Variants in PRDM16 observed in about 807,000 individuals in gnomAD.
PRDM16 encodes the protein PR/SET domain 16.
PRDM16 carries 23 observed loss-of-function variants against 110.6 expected under a neutral mutation model. The ratio of observed to expected loss-of-function variants is 0.21; its 90% CI spans 0.15 to 0.29. The LOEUF is 0.29. Ranked by LOEUF, PRDM16 falls within the 10% of genes least tolerant of loss-of-function variation. The pLI, the probability that PRDM16 is intolerant of heterozygous loss-of-function variation, is 1.00. For synonymous variants in PRDM16, 799 were observed against 781.8 expected (o/e 1.02, Z -0.37); for missense variants, 1,615 against 1,794.3 (o/e 0.90, Z 1.81).
rs117210351 is a variant in PRDM16, at chr1:3,378,435, G to C, written c.439-6717G>C. On this transcript the variant is annotated intron_variant, in intron 3 of 16. Transcript: ENST00000270722. ...GAAATCTTGTGGCTCCCAGAACAGGGCTCGGGGACCCTCCCTCTGGTCCTT... is the reference window on the plus strand; with the variant it reads ...GAAATCTTGTGGCTCCCAGAACAGGCCTCGGGGACCCTCCCTCTGGTCCTT... 3.4e-3 allele frequency among the ~76,000 whole-genome samples: 516 copies of C among 152,284 alleles called. 16 individuals carry two copies. The East Asian group carries it at 0.086, about 25-fold the overall frequency.
At chr1:3,348,136 GTC>G (rs1349465874) in intron 3 of PRDM16, among the ~76,000 whole-genome samples, 1 of 152,192 alleles carries the variant, frequency 6.6e-6, no homozygotes, top group African/African-American at 2.4e-5. Flanking sequence ...GGGTTGCTGA[GTC>G]TCCCCAACCC....
At chr1:3,366,723 T>C (rs1247824937) in intron 3 of PRDM16, among the ~76,000 whole-genome samples, 1 of 152,148 alleles carries the variant, frequency 6.6e-6, no homozygotes, top group African/African-American at 2.4e-5. Context: ...GAAAAATGAT[T>C]AGGGCGTCTC....
At chr1:3,389,799 G>C (rs1014138785) in intron 4 of PRDM16, among the ~76,000 whole-genome samples, 2 of 152,172 alleles carry the variant, frequency 1.3e-5, no homozygotes, top group African/African-American at 2.4e-5. Context: ...CCTTTCCCCT[G>C]GGACTTTCGG....
chr1:3,349,780 TC>T lies in PRDM16; in HGVS notation c.439-35371del, dbSNP rs1279914954. Reference sequence around the variant, plus strand: ...ACTGGGAGCTTTCTGTTCTCAGTGTTCACAGAGGCCTGAGCTCTGCTGGCCA... The same window carrying T: ...ACTGGGAGCTTTCTGTTCTCAGTGTTACAGAGGCCTGAGCTCTGCTGGCCA... On this transcript the variant is annotated intron_variant, in intron 3 of 16. Transcript: ENST00000270722. Among the ~76,000 whole-genome samples the T allele has an allele frequency of 2.0e-5, 3 of 152,326 alleles. No individual in the cohort carries two copies. In the East Asian group the frequency reaches 5.8e-4, roughly 29 times the overall value.
chr1:3,284,225 C>A (rs1640798046), intron 3 of PRDM16, among the ~76,000 whole-genome samples: 1 of 152,238 alleles, frequency 6.6e-6, no homozygotes, highest in Non-Finnish European at 1.5e-5. Flanking sequence ...CATTAAGCGT[C>A]CCAGGTTCCC....
At chr1:3,398,707 G>A (rs1265323397) in intron 5 of PRDM16, among the ~76,000 whole-genome samples, 1 of 152,242 alleles carries the variant, frequency 6.6e-6, no homozygotes, top group Non-Finnish European at 1.5e-5. Context: ...CTTCAGATAG[G>A]CAAGTGAGGC....
In PRDM16 at chr1:3,425,957, A is replaced by G; in HGVS notation, c.3110-94A>G. ...TCCCTAAGAAACCTGCCTCCCTAAC[A>G]GCACCCCAGGTGTACCCCGTTCGCG... On this transcript the variant is annotated intron_variant, in intron 13 of 16. Transcript: ENST00000270722. This position sits in a 1 kb window ranked among gnomAD's most constrained non-coding sequence, Gnocchi z 6.9. 2 of 1,407,598 alleles carry G rather than the reference A, an allele frequency of 1.4e-6. No individual in the cohort carries two copies. Among genetic ancestry groups the G allele is most frequent in the Non-Finnish European group, 1.9e-6 (2 of 1,045,474 alleles). The allele number at this position is 1,407,598 out of a possible 1,614,324, so 87.2% of individuals were successfully genotyped here.
chr1:3,121,148 C>G (rs574622533), intron 1 of PRDM16, among the ~76,000 whole-genome samples: 2 of 152,266 alleles, frequency 1.3e-5, no homozygotes, highest in East Asian at 1.9e-4. Context: ...ACAGCTTGCC[C>G]GTCACGGAGC....
rs374848383 is a variant in PRDM16, at chr1:3,347,557, G to A, written c.439-37595G>A. Among the ~76,000 whole-genome samples, 398 of 152,338 alleles carry A rather than the reference G, an allele frequency of 2.6e-3. 1 individual carries two copies. Among genetic ancestry groups the A allele is most frequent in the African/African-American group, 8.9e-3 (369 of 41,576 alleles). Reference sequence around the variant, plus strand: ...GAATCAAGGCAAGAGGCAGTCAGGGGGTGGGGGTGGGGGCAGAGCCGTCTC... The same window carrying A: ...GAATCAAGGCAAGAGGCAGTCAGGGAGTGGGGGTGGGGGCAGAGCCGTCTC... On this transcript the variant is annotated intron_variant, in intron 3 of 16. Transcript: ENST00000270722.
chr1:3,090,045 C>T (rs1642240271), intron 1 of PRDM16, among the ~76,000 whole-genome samples: 1 of 152,212 alleles, frequency 6.6e-6, no homozygotes, highest in Non-Finnish European at 1.5e-5. Flanking sequence ...CTTCACCGGA[C>T]AAATAAGATA....
At position 3,437,073 on chromosome 1, in the gene PRDM16, G is replaced by A. The variant is rs35837267; in HGVS notation, c.*3262G>A. On this transcript the variant is annotated 3_prime_UTR_variant, in exon 17 of 17. Coordinates refer to ENST00000270722, the MANE Select transcript of PRDM16 (RefSeq NM_022114.4). Reference sequence around the variant, plus strand: ...GGCCTGGCAGACCCTTCATGAGTGGGACCCAAGATATCACTGACTTCAACC... The same window carrying A: ...GGCCTGGCAGACCCTTCATGAGTGGAACCCAAGATATCACTGACTTCAACC... The A allele has an allele frequency of 0.069, 16,000 of 232,734 alleles. 710 individuals carry two copies. The highest frequency in any genetic ancestry group is 0.15 in the Middle Eastern group (116 of 782). The allele number at this position is 232,734 out of a possible 1,614,324, so 14.4% of individuals were successfully genotyped here. A position where few individuals can be genotyped will look rare whatever the true frequency, so the allele number is the denominator to read the frequency against.
intron 2 of PRDM16, among the ~76,000 whole-genome samples, chr1:3,200,885 G>C (rs1033744435): frequency 2.0e-5 from 3 of 151,974 alleles, no homozygotes; most frequent in Non-Finnish European, 1.5e-5. Flanking sequence ...CACAGAAGAC[G>C]AGGACAAGAG....
chr1:3,372,656 G>A (rs927274603), intron 3 of PRDM16, among the ~76,000 whole-genome samples: 8 of 152,272 alleles, frequency 5.3e-5, no homozygotes, highest in African/African-American at 1.9e-4. Flanking sequence ...AGCCAAGTCT[G>A]CGGTAACGTG....
At chr1:3,187,971 G>C (rs978839079) in intron 2 of PRDM16, among the ~76,000 whole-genome samples, 2 of 152,234 alleles carry the variant, frequency 1.3e-5, no homozygotes, top group African/African-American at 4.8e-5. Context: ...GACAGTGTGT[G>C]TGGGCCCAAG....
intron 3 of PRDM16, among the ~76,000 whole-genome samples, chr1:3,363,264 C>T (rs1287386821): frequency 6.6e-6 from 1 of 152,244 alleles, no homozygotes; most frequent in Admixed American, 6.5e-5. Flanking sequence ...GTCCCATTAA[C>T]TGCTGTCTGT....
chr1:3,134,841 G>A (rs1024918162), intron 1 of PRDM16, among the ~76,000 whole-genome samples: 1 of 152,250 alleles, frequency 6.6e-6, no homozygotes, highest in Non-Finnish European at 1.5e-5. Flanking sequence ...TGGCAGAGGG[G>A]CCTGACCACC....
intron 3 of PRDM16, among the ~76,000 whole-genome samples, chr1:3,311,181 G>A (rs565099844): frequency 2.6e-5 from 4 of 152,202 alleles, no homozygotes; most frequent in African/African-American, 9.6e-5. Context: ...AGACGGAGCC[G>A]TCGCTTCCCA....
chr1:3,175,029 C>T lies in PRDM16; in HGVS notation c.38-11096C>T, dbSNP rs1557502872. Among the ~76,000 whole-genome samples the T allele has an allele frequency of 1.3e-5, 2 of 152,164 alleles. No homozygotes were observed. The highest frequency in any genetic ancestry group is 6.5e-5 in the Admixed American group (1 of 15,284). Reference sequence around the variant, plus strand: ...CAGTGCCGCAGGGCAGCCGCGGTCCCGGGCTGGTCAGAAGGTGGGACCAGC... The same window carrying T: ...CAGTGCCGCAGGGCAGCCGCGGTCCTGGGCTGGTCAGAAGGTGGGACCAGC... On this transcript the variant is annotated intron_variant, in intron 1 of 16. Coordinates refer to ENST00000270722, the MANE Select transcript of PRDM16 (RefSeq NM_022114.4). This position sits in a 1 kb window ranked among gnomAD's most constrained non-coding sequence, Gnocchi z 4.8.
rs202152655 is a variant in PRDM16 at position 3,433,851 on chromosome 1, A to G, written c.*40A>G. 1.2e-5 allele frequency: 19 copies of G among 1,596,998 alleles called. No individual in the cohort carries two copies. Among genetic ancestry groups the G allele is most frequent in the Non-Finnish European group, 1.7e-6 (2 of 1,174,206 alleles). On this transcript the variant is annotated 3_prime_UTR_variant, in exon 17 of 17. Transcript: ENST00000270722. Reference sequence around the variant, plus strand: ...GGGGGCCGGTGGCCAGAGCGAGGGCACCAGCCACGAAGGACGGAGGCGGGC... The same window carrying G: ...GGGGGCCGGTGGCCAGAGCGAGGGCGCCAGCCACGAAGGACGGAGGCGGGC...
Sources: allele counts gnomAD v4.1 joint callset (sites outside exome capture counted in the v4.1 genomes callset), GRCh38; gene constraint gnomAD v4.1.1; non-coding constraint Gnocchi (gnomAD v3.1); transcripts MANE v1.5; gene names NCBI Gene and HGNC (gene_info 2026-07-23, HGNC 2026-07-21).